The following ANTXR1 variants were observed in gnomAD, a reference collection of about 807,000 sequenced individuals.
ANTXR1 encodes ANTXR cell adhesion molecule 1.
Under a neutral mutation model 78.1 loss-of-function variants are expected in ANTXR1, and 19 were observed. That is an observed-to-expected ratio of 0.24 (90% confidence interval 0.17 to 0.36). The LOEUF (loss-of-function observed/expected upper bound fraction) is 0.36, where lower values mean the gene tolerates loss of function less well. Among genes scored for constraint, ANTXR1 ranks in the 10% least tolerant of loss-of-function variants. The pLI, the probability that ANTXR1 is intolerant of heterozygous loss-of-function variation, is 1.00. For synonymous variants in ANTXR1, 273 were observed against 260.5 expected, an observed-to-expected ratio of 1.05 and a Z score of -0.46; for missense variants, 518 against 718.6, an observed-to-expected ratio of 0.72 and a Z score of 3.19.
At chr2:69,165,316 G>C (rs1057364704) in intron 13 of ANTXR1, among the ~76,000 whole-genome samples, 1 of 152,210 alleles carries the variant, frequency 6.6e-6, no homozygotes, top group Non-Finnish European at 1.5e-5. Context: ...CCAGCCCTTC[G>C]GCAGAGAGGA....
intron 12 of ANTXR1, among the ~76,000 whole-genome samples, chr2:69,128,828 C>T (rs1292381657): frequency 6.6e-6 from 1 of 152,138 alleles, no homozygotes; most frequent in Non-Finnish European, 1.5e-5. Flanking sequence ...ATTGTCAATG[C>T]CAGTCACAGC....
At chr2:69,078,528 A>T (rs1271169004) in intron 8 of ANTXR1, among the ~76,000 whole-genome samples, 1 of 152,144 alleles carries the variant, frequency 6.6e-6, no homozygotes, top group Non-Finnish European at 1.5e-5. Flanking sequence ...CTCTCCCTTC[A>T]GGGTTTGCTA....
intron 14 of ANTXR1, among the ~76,000 whole-genome samples, chr2:69,172,073 G>A (rs771974162): frequency 1.3e-5 from 2 of 152,194 alleles, no homozygotes; most frequent in African/African-American, 2.4e-5. Flanking sequence ...TTGGTCAGAC[G>A]TGAGCTGGAC....
At chr2:69,108,335 C>T (rs149372620) in intron 10 of ANTXR1, among the ~76,000 whole-genome samples, 3 of 151,990 alleles carry the variant, frequency 2.0e-5, no homozygotes, top group Non-Finnish European at 2.9e-5. Flanking sequence ...ACTAGGCTAC[C>T]GAGAGGGTAA....
chr2:69,129,842 A>T (rs561218931), intron 12 of ANTXR1, among the ~76,000 whole-genome samples: 23 of 152,280 alleles, frequency 1.5e-4, no homozygotes, highest in Middle Eastern at 3.4e-3. Context: ...AGGGAAGGAT[A>T]AGTGAAGGCA....
chr2:69,118,596 A>G (rs1218977486), intron 10 of ANTXR1, among the ~76,000 whole-genome samples: 1 of 152,106 alleles, frequency 6.6e-6, no homozygotes, highest in Non-Finnish European at 1.5e-5. Context: ...GCTAGTGAGC[A>G]GCGAAATGGC....
chr2:69,098,983 CTAAA>C (rs56154212), intron 9 of ANTXR1, among the ~76,000 whole-genome samples: 41 of 151,596 alleles, frequency 2.7e-4, no homozygotes, highest in Non-Finnish European at 4.9e-4. Context: ...GAGACTGCGT[CTAAA>C]TAAATAAAGT....
chr2:69,236,542 T>C (rs955498107), intron 17 of ANTXR1, among the ~76,000 whole-genome samples: 4 of 152,090 alleles, frequency 2.6e-5, no homozygotes, highest in African/African-American at 4.8e-5. Context: ...ATTGGAACTA[T>C]GAATGAATAT....
chr2:69,102,232 G>A (rs1436526813), intron 9 of ANTXR1, among the ~76,000 whole-genome samples: 1 of 152,186 alleles, frequency 6.6e-6, no homozygotes, highest in Non-Finnish European at 1.5e-5. Context: ...ATGCCATAGT[G>A]GTATCAAACA....
Position 69,152,396 on chromosome 2 carries a change from C to A in ANTXR1, c.1047+132C>A, listed in dbSNP as rs537432909. ...TCTTGCATTTTTTATACAATTTATA[C>A]AAAATTGATGTGAACTGACATTGAT... is the stretch of plus-strand genomic sequence containing the variant. On this transcript the variant is annotated intron_variant, in intron 13 of 17. Coordinates refer to ENST00000303714, the MANE Select transcript of ANTXR1 (RefSeq NM_032208.3). The A allele has an allele frequency of 8.4e-4, 763 of 912,126 alleles. 2 individuals are homozygous for A. Among genetic ancestry groups the A allele is most frequent in the Non-Finnish European group, 1.2e-3 (698 of 569,660 alleles). The allele number at this position is 912,126 out of a possible 1,614,324, so 56.5% of individuals were successfully genotyped here.
intron 12 of ANTXR1, among the ~76,000 whole-genome samples, chr2:69,151,418 G>T (rs1673392348): frequency 1.3e-5 from 2 of 152,044 alleles, no homozygotes; most frequent in East Asian, 3.9e-4. Flanking sequence ...TTCCTAAGCA[G>T]CTTCCTTGAA....
At position 69,189,365 on chromosome 2, in the gene ANTXR1, C is replaced by T. The variant is rs775246377; in HGVS notation, c.1354-3970C>T. ...TTGAAAGTAGAAAGTACTTATCCAT[C>T]GGTAAATAGACACCCAGATCAGTAG... On this transcript the variant is annotated intron_variant, in intron 16 of 17. Coordinates refer to ENST00000303714, the MANE Select transcript of ANTXR1 (RefSeq NM_032208.3). Among the ~76,000 whole-genome samples the T allele has an allele frequency of 3.9e-5, 6 of 152,170 alleles. No homozygotes were observed. In the South Asian group the frequency reaches 8.3e-4, roughly 21 times the overall value.
At chr2:69,085,586 A>G (rs1362730837) in intron 8 of ANTXR1, among the ~76,000 whole-genome samples, 1 of 152,128 alleles carries the variant, frequency 6.6e-6, no homozygotes, top group African/African-American at 2.4e-5. Context: ...TCATTTATTT[A>G]TCCAATATTT....
intron 3 of ANTXR1, among the ~76,000 whole-genome samples, chr2:69,048,057 A>C (rs924108926): frequency 1.3e-5 from 2 of 152,170 alleles, no homozygotes; most frequent in African/African-American, 4.8e-5. Context: ...ATGTCAATTT[A>C]AGTACTGTTA....
intron 17 of ANTXR1, among the ~76,000 whole-genome samples, chr2:69,201,031 C>G (rs1674760750): frequency 6.6e-6 from 1 of 152,122 alleles, no homozygotes; most frequent in Non-Finnish European, 1.5e-5. Flanking sequence ...TGTTAGATGT[C>G]TTCTAAGAGC....
intron 1 of ANTXR1, among the ~76,000 whole-genome samples, chr2:69,016,965 C>G (rs754011747): frequency 1.3e-5 from 2 of 151,912 alleles, no homozygotes; most frequent in South Asian, 4.2e-4. Context: ...CATTGGAGAC[C>G]CAAAAATGCT....
At chr2:69,145,555 G>T in intron 12 of ANTXR1, 8 of 1,407,142 alleles carry the variant, frequency 5.7e-6, no homozygotes, top group Non-Finnish European at 7.4e-6. Flanking sequence ...GACAGGAAAC[G>T]TTCCCTCCTT....
At chr2:69,162,055 T>C (rs1673696667) in intron 13 of ANTXR1, among the ~76,000 whole-genome samples, 2 of 151,870 alleles carry the variant, frequency 1.3e-5, no homozygotes, top group South Asian at 4.1e-4. Context: ...TGACTGACAA[T>C]GCAGCAGACT....
chr2:69,056,343 G>A (rs1386223012), intron 3 of ANTXR1, among the ~76,000 whole-genome samples: 1 of 152,142 alleles, frequency 6.6e-6, no homozygotes, highest in Non-Finnish European at 1.5e-5. Context: ...GTGACCTGTT[G>A]AGTCTTGTAT....
Sources: gnomAD v4.1 joint callset for allele counts (sites outside exome capture counted in the v4.1 genomes callset) on GRCh38, gnomAD v4.1.1 for gene constraint, MANE v1.5 for transcripts, NCBI Gene and HGNC (gene_info 2026-07-23, HGNC 2026-07-21) for gene names.